Variants in BMERB1 observed in about 807,000 individuals in gnomAD.
The protein encoded by BMERB1 is bMERB domain containing 1.
A neutral mutation model predicts 23.6 loss-of-function variants in BMERB1; 12 were observed. That is an observed-to-expected ratio of 0.51 (90% CI 0.33 to 0.82). BMERB1 has a LOEUF of 0.82. Ranked by LOEUF, BMERB1 falls within the 40% of genes least tolerant of loss-of-function variation. BMERB1 has a pLI of 0.03. For missense variants in BMERB1, 247 were observed against 255.4 expected (o/e 0.97, Z 0.22); for synonymous variants, 122 against 96.6 (o/e 1.26, Z -1.54).
At chr16:15,519,089 A>ACACACGCGCG (rs1567481376) in intron 2 of BMERB1, among the ~76,000 whole-genome samples, 1 of 146,222 alleles carries the variant, frequency 6.8e-6, no homozygotes, top group African/African-American at 2.8e-5. Context: ...ACACACACAC[A>ACACACGCGCG]CACACACACA....
chr16:15,533,555 G>T (rs956141564), intron 2 of BMERB1, among the ~76,000 whole-genome samples: 13 of 152,026 alleles, frequency 8.6e-5, no homozygotes, highest in Non-Finnish European at 1.8e-4. Flanking sequence ...TCAGGTGTAG[G>T]GGGGCTTGAG....
intron 1 of BMERB1, among the ~76,000 whole-genome samples, chr16:15,467,820 C>T (rs1037851062): frequency 2.0e-5 from 3 of 152,080 alleles, no homozygotes; most frequent in African/African-American, 4.8e-5. Flanking sequence ...TAGGGAGATA[C>T]AAGGCATCAA....
At chr16:15,526,965 A>G (rs1351627590) in intron 2 of BMERB1, among the ~76,000 whole-genome samples, 3 of 147,530 alleles carry the variant, frequency 2.0e-5, no homozygotes, top group Non-Finnish European at 4.5e-5. Flanking sequence ...ATATTTTATT[A>G]TATTTTATTA....
chr16:15,474,854 A>G (rs1308265700), intron 1 of BMERB1, among the ~76,000 whole-genome samples: 2 of 151,710 alleles, frequency 1.3e-5, no homozygotes, highest in Non-Finnish European at 2.9e-5. Flanking sequence ...CGTCCAGCTA[A>G]TTTTTGGGTT....
intron 1 of BMERB1, among the ~76,000 whole-genome samples, chr16:15,479,486 G>A (rs2051301645): frequency 6.6e-6 from 1 of 151,908 alleles, no homozygotes; most frequent in Admixed American, 6.6e-5. Context: ...CTTGAGTTTG[G>A]GTGTCATAGA....
chr16:15,457,363 T>C (rs926392562), intron 1 of BMERB1, among the ~76,000 whole-genome samples: 1 of 152,252 alleles, frequency 6.6e-6, no homozygotes, highest in African/African-American at 2.4e-5. Context: ...TCCAGCTAAC[T>C]GGTTGACCTT....
chr16:15,498,991 A>G (rs2051501396), intron 1 of BMERB1, among the ~76,000 whole-genome samples: 1 of 152,352 alleles, frequency 6.6e-6, no homozygotes, highest in African/African-American at 2.4e-5. Context: ...TGGCTCCTGC[A>G]CTCAGAATGA....
intron 2 of BMERB1, among the ~76,000 whole-genome samples, chr16:15,551,025 G>A (rs918238201): frequency 3.9e-5 from 6 of 152,216 alleles, no homozygotes; most frequent in Non-Finnish European, 8.8e-5. Flanking sequence ...AGGTGACTGA[G>A]AGTGGAAGGC....
At chr16:15,585,170 G>A (rs2031110969) in intron 5 of BMERB1, among the ~76,000 whole-genome samples, 1 of 152,226 alleles carries the variant, frequency 6.6e-6, no homozygotes, top group Non-Finnish European at 1.5e-5. Flanking sequence ...CGTGATCACT[G>A]CCGAAGGCCA....
At chr16:15,507,502 G>T (rs562816587) in intron 1 of BMERB1, among the ~76,000 whole-genome samples, 1 of 152,110 alleles carries the variant, frequency 6.6e-6, no homozygotes, top group Non-Finnish European at 1.5e-5. Flanking sequence ...CCCTGGGGAC[G>T]TCTGTGCCTT....
At chr16:15,535,909 G>A (rs766382652) in intron 2 of BMERB1, among the ~76,000 whole-genome samples, 1 of 152,084 alleles carries the variant, frequency 6.6e-6, no homozygotes, top group Non-Finnish European at 1.5e-5. Context: ...GAGCCAGCAG[G>A]GGAAATGCCA....
intron 2 of BMERB1, among the ~76,000 whole-genome samples, chr16:15,540,864 T>G (rs1421174421): frequency 1.3e-5 from 2 of 152,182 alleles, no homozygotes; most frequent in Admixed American, 6.5e-5. Flanking sequence ...CCAAATGTGT[T>G]TTTTCTGATA....
chr16:15,472,859 T>TC (rs1304224215), intron 1 of BMERB1, among the ~76,000 whole-genome samples: 3 of 123,170 alleles, frequency 2.4e-5, no homozygotes, highest in Non-Finnish European at 5.7e-5. Context: ...AAGGATTCCA[T>TC]CTTTTTTTTT....
intron 2 of BMERB1, among the ~76,000 whole-genome samples, chr16:15,531,575 G>A (rs959062200): frequency 5.3e-5 from 8 of 152,132 alleles, no homozygotes; most frequent in African/African-American, 1.9e-4. Flanking sequence ...GTGAGGCTGG[G>A]GAAAGGGGAA....
intron 2 of BMERB1, among the ~76,000 whole-genome samples, chr16:15,517,974 T>A (rs2051792353): frequency 6.6e-6 from 1 of 150,928 alleles, no homozygotes; most frequent in Non-Finnish European, 1.5e-5. Flanking sequence ...TGTGTATGTG[T>A]GCGTGTGGAT....
rs778966641 is a variant in BMERB1, at chr16:15,583,153, CAG to C, written c.420-2_420-1del. On this transcript the variant is annotated splice_acceptor_variant, in intron 4 of 5. Transcript: ENST00000300006. LOFTEE classifies it high-confidence loss of function. Reference sequence around the variant, plus strand: ...CTTTTCTTTTACCCATCTACTTTCACAGGGAGCAAGAAGAAGACAAGGAAATG... The same window carrying C: ...CTTTTCTTTTACCCATCTACTTTCACGGAGCAAGAAGAAGACAAGGAAATG... 2 of 1,609,928 alleles carry C rather than the reference CAG, an allele frequency of 1.2e-6. No individual in the cohort carries two copies.
At chr16:15,569,158 G>A (rs2030660163) in intron 3 of BMERB1, among the ~76,000 whole-genome samples, 1 of 152,188 alleles carries the variant, frequency 6.6e-6, no homozygotes, top group South Asian at 2.1e-4. Context: ...GGAGGTTGCA[G>A]TGAGGTGAGA....
At chr16:15,537,385 C>T (rs1179194836) in intron 2 of BMERB1, among the ~76,000 whole-genome samples, 7 of 151,352 alleles carry the variant, frequency 4.6e-5, no homozygotes, top group Non-Finnish European at 7.4e-5. Flanking sequence ...GACAGCATCT[C>T]GCTCTGTTGC....
intron 1 of BMERB1, among the ~76,000 whole-genome samples, chr16:15,490,836 A>AT (rs1344442667): frequency 2.0e-5 from 3 of 151,932 alleles, no homozygotes; most frequent in Non-Finnish European, 4.4e-5. Context: ...TTTTATTCTT[A>AT]TTTTTTATTT....
Sources: gnomAD v4.1 joint callset for allele counts (sites outside exome capture counted in the v4.1 genomes callset) on GRCh38, gnomAD v4.1.1 for gene constraint, MANE v1.5 for transcripts, NCBI Gene and HGNC (gene_info 2026-07-23, HGNC 2026-07-21) for gene names.